The following DOC2B variants were observed in gnomAD, a reference collection of about 807,000 sequenced individuals.
DOC2B encodes double C2 domain beta, also known as double C2-like domain-containing protein beta.
A neutral mutation model predicts 28.9 loss-of-function variants in DOC2B; 21 were observed. The ratio of observed to expected loss-of-function variants is 0.73; its 90% confidence interval spans 0.52 to 1.05. The LOEUF is 1.05. Ranked by LOEUF, DOC2B falls within the 50% of genes least tolerant of loss-of-function variation. DOC2B has a pLI of 0.00. For missense variants in DOC2B, 384 were observed against 421.1 expected (o/e 0.91, Z 0.77); for synonymous variants, 194 against 178.1 (o/e 1.09, Z -0.71).
At chr17:162,272 A>T in intron 3 of DOC2B, 82 bp from the exon 4 acceptor site, 2 of 1,015,440 alleles carry the variant, frequency 2.0e-6, no homozygotes, top group Admixed American at 2.0e-5. Flanking sequence ...CCACGTGCTC[A>T]TCTTGGAGCC....
Position 144,074 on chromosome 17 carries a change from CGGG to C in DOC2B, c.*3364_*3366del. 1 of 630 alleles carries C rather than the reference CGGG, an allele frequency of 1.6e-3. No homozygotes were observed. Among genetic ancestry groups the C allele is most frequent in the Non-Finnish European group, 4.2e-3 (1 of 236 alleles). 0.0% of individuals were successfully genotyped at this position (630 alleles called of 1,614,324 possible). ...GCCCGTCGGGGATTGGCGCAGGCGG[CGGG>C]CGGGGCGGCGGGCGGGGCGGCGGGC... On this transcript the variant is annotated 3_prime_UTR_variant, in exon 9 of 9. Coordinates refer to ENST00000613549, the MANE Select transcript of DOC2B (RefSeq NM_003585.5).
rs1436314257 is a variant in DOC2B, at chr17:181,429, A to G, written c.51T>C (p.His17=). 1 of 1,168,882 alleles carries G rather than the reference A, an allele frequency of 8.6e-7. No homozygotes were observed. Among genetic ancestry groups the G allele is most frequent in the African/African-American group, 1.6e-5 (1 of 60,724 alleles). 72.4% of individuals were successfully genotyped at this position (1,168,882 alleles called of 1,614,324 possible). The part of the protein sequence containing the change: ...GEKATISIQE[H]MAIDVCPGPI... ...GGCCGGGGCACACGTCGATGGCCAT[A>G]TGCTCCTGGATGCTGATGGTCGCCT... Residue 17 remains histidine, a synonymous_variant, in exon 1 of 9, where the codon CAT becomes CAC. Transcript: ENST00000613549. This position sits in a 1 kb window ranked among gnomAD's most constrained non-coding sequence, Gnocchi z 7.0.
At chr17:160,177 G>T (rs561581316) in intron 5 of DOC2B, among the ~76,000 whole-genome samples, 29 of 152,160 alleles carry the variant, frequency 1.9e-4, no homozygotes, top group African/African-American at 7.0e-4. Context: ...CAGAGACGGG[G>T]TTTCGCCATG....
chr17:173,620 G>A (rs2040336721), intron 1 of DOC2B, among the ~76,000 whole-genome samples: 1 of 152,220 alleles, frequency 6.6e-6, no homozygotes, highest in African/African-American at 2.4e-5. Context: ...CCGCAGTAGA[G>A]TCTGGTGAGC....
rs574908049 is a variant in DOC2B at position 165,609 on chromosome 17, C to G, written c.454-1405G>C. On this transcript the variant is annotated intron_variant, in intron 2 of 8. Transcript: ENST00000613549. ...GGCAGGGTTTGCTCCCTTCCCTGCACGCCAGGCCCCCGTGAGACGCCGGAG... is the reference window on the plus strand; with the variant it reads ...GGCAGGGTTTGCTCCCTTCCCTGCAGGCCAGGCCCCCGTGAGACGCCGGAG... 3.0e-3 allele frequency among the ~76,000 whole-genome samples: 455 copies of G among 152,140 alleles called. 4 individuals are homozygous for G. The highest frequency in any genetic ancestry group is 9.0e-3 in the African/African-American group (373 of 41,512).
chr17:163,111 G>A (rs999873195), intron 3 of DOC2B, among the ~76,000 whole-genome samples: 1 of 152,176 alleles, frequency 6.6e-6, no homozygotes, highest in Non-Finnish European at 1.5e-5. Flanking sequence ...TAAGGAGACT[G>A]CTCTTTATAA....
rs1448126667 is a variant in DOC2B, at chr17:181,187, G to A, written c.293C>T (p.Pro98Leu). 8 of 1,242,306 alleles carry A rather than the reference G, an allele frequency of 6.4e-6. No homozygotes were observed. The highest frequency in any genetic ancestry group is 8.0e-6 in the Non-Finnish European group (8 of 993,856). 77.0% of individuals were successfully genotyped at this position (1,242,306 alleles called of 1,614,324 possible). A position where few individuals can be genotyped will look rare whatever the true frequency, so the allele number is the denominator to read the frequency against. The change falls in exon 1 of 9, where the codon CCG (proline) becomes CTG (leucine). Residue 98 changes from proline (P) to leucine (L), a missense_variant. Transcript: ENST00000613549. The surrounding 1 kb of genome is among the most constrained non-coding windows in gnomAD (Gnocchi z 7.0). ...TGGCGGCCGCGCGGGGCTGGGACCCGGGCTGGGGCCCGGGCTGGAGCCGTA... is the reference window on the plus strand; with the variant it reads ...TGGCGGCCGCGCGGGGCTGGGACCCAGGCTGGGGCCCGGGCTGGAGCCGTA... ...GAYGSSPGPS[P>L]GPSPARPPAK...
chr17:166,104 C>A (rs1277106345), intron 2 of DOC2B, among the ~76,000 whole-genome samples: 4 of 152,332 alleles, frequency 2.6e-5, no homozygotes, highest in African/African-American at 9.6e-5. Context: ...GACCCCGGGA[C>A]TGTGACGAGG....
rs2040000165 is a variant in DOC2B at position 143,826 on chromosome 17, A to C, written c.*3615T>G. 1 of 152,284 alleles carries C rather than the reference A, an allele frequency of 6.6e-6. No individual in the cohort carries two copies. The highest frequency in any genetic ancestry group is 1.5e-5 in the Non-Finnish European group (1 of 68,056). The allele number at this position is 152,284 out of a possible 1,614,324, so 9.4% of individuals were successfully genotyped here. On this transcript the variant is annotated 3_prime_UTR_variant, in exon 9 of 9. Transcript: ENST00000613549. ...GTCTGTGGGACTGCAGTTTGAGGAC[A>C]GTGTCTGCAGCCGTCACATGGCAGC...
chr17:159,636 T>C (rs1451442497), intron 5 of DOC2B, among the ~76,000 whole-genome samples: 1 of 151,942 alleles, frequency 6.6e-6, no homozygotes, highest in African/African-American at 2.4e-5. Context: ...AAAATAATAA[T>C]AATAAAAGTA....
intron 2 of DOC2B, among the ~76,000 whole-genome samples, chr17:169,919 GACAC>G (rs1268444130): frequency 1.3e-5 from 2 of 152,212 alleles, no homozygotes; most frequent in Non-Finnish European, 1.5e-5. Flanking sequence ...GCCCAAAGTG[GACAC>G]ACACTTACAT....
At chr17:172,874 T>C (rs945647640) in intron 1 of DOC2B, among the ~76,000 whole-genome samples, 3 of 152,232 alleles carry the variant, frequency 2.0e-5, no homozygotes, top group African/African-American at 7.2e-5. Context: ...TCCAGTTCCC[T>C]GTCTGGCCCA....
intron 1 of DOC2B, among the ~76,000 whole-genome samples, chr17:179,105 C>T (rs888172267): frequency 5.9e-5 from 9 of 152,218 alleles, no homozygotes; most frequent in Admixed American, 3.3e-4. Context: ...AGTGGCACAC[C>T]GTCCTCCTTA....
intron 1 of DOC2B, among the ~76,000 whole-genome samples, chr17:180,664 C>G (rs2040430055): frequency 6.6e-6 from 1 of 151,980 alleles, no homozygotes; most frequent in African/African-American, 2.4e-5. Context: ...AGCCCCGACC[C>G]TCGGCCGCGA....
rs1394921047 is a variant in DOC2B, at chr17:181,571, G to T, written c.-92C>A. ...GCAGGCCCGGCGGGGCGCGGCGGGGGCTGCGGGCATCGCCGGCCGCGCCCC... is the reference window on the plus strand; with the variant it reads ...GCAGGCCCGGCGGGGCGCGGCGGGGTCTGCGGGCATCGCCGGCCGCGCCCC... On this transcript the variant is annotated 5_prime_UTR_variant, in exon 1 of 9. Transcript: ENST00000613549. The surrounding 1 kb of genome is among the most constrained non-coding windows in gnomAD (Gnocchi z 7.0). 21 of 644,816 alleles carry T rather than the reference G, an allele frequency of 3.3e-5. No individual in the cohort carries two copies. The South Asian group carries it at 1.1e-3, about 33-fold the overall frequency. The allele number at this position is 644,816 out of a possible 1,614,324, so 39.9% of individuals were successfully genotyped here. A position where few individuals can be genotyped will look rare whatever the true frequency, so the allele number is the denominator to read the frequency against.
chr17:148,796 C>A (rs2151457553), intron 7 of DOC2B, among the ~76,000 whole-genome samples: 1 of 152,248 alleles, frequency 6.6e-6, no homozygotes, highest in African/African-American at 2.4e-5. Flanking sequence ...CCTGGGGCCC[C>A]AGGGTGTCTC....
At chr17:172,730 C>A in intron 1 of DOC2B, 114 bp from the exon 2 acceptor site, 1 of 786,852 alleles carries the variant, frequency 1.3e-6, no homozygotes, top group Non-Finnish European at 1.9e-6. Flanking sequence ...TCCATGGCGG[C>A]TGCCACCAAC....
chr17:177,111 G>C (rs1027213250), intron 1 of DOC2B, among the ~76,000 whole-genome samples: 15 of 145,428 alleles, frequency 1.0e-4, no homozygotes, highest in African/African-American at 3.8e-4. Flanking sequence ...AAGGACCATA[G>C]AAAATCATCA....
Position 162,296 on chromosome 17 carries a change from T to C in DOC2B, c.529-106A>G. 3.7e-6 allele frequency: 3 copies of C among 820,406 alleles called. No individual in the cohort carries two copies. The South Asian group carries it at 4.5e-5, about 12-fold the overall frequency. The allele number at this position is 820,406 out of a possible 1,614,324, so 50.8% of individuals were successfully genotyped here. A position where few individuals can be genotyped will look rare whatever the true frequency, so the allele number is the denominator to read the frequency against. On this transcript the variant is annotated intron_variant, in intron 3 of 8. Coordinates refer to ENST00000613549, the MANE Select transcript of DOC2B (RefSeq NM_003585.5). ...CATCTTGGAGCCTGTGAATGTGTTA[T>C]CAACATGGCCAAGTGGACTGAGGCT... is the stretch of plus-strand genomic sequence containing the variant.
Sources: allele counts gnomAD v4.1 joint callset (sites outside exome capture counted in the v4.1 genomes callset), GRCh38; gene constraint gnomAD v4.1.1; non-coding constraint Gnocchi (gnomAD v3.1); transcripts MANE v1.5; gene names NCBI Gene and HGNC (gene_info 2026-07-23, HGNC 2026-07-21).